The following ZNF653 variants were observed in gnomAD, a reference collection of about 807,000 sequenced individuals.
ZNF653 encodes zinc finger protein 653.
A neutral mutation model predicts 59.9 loss-of-function variants in ZNF653; 37 were observed. That is an observed-to-expected ratio of 0.62 (90% CI 0.48 to 0.81). The LOEUF (loss-of-function observed/expected upper bound fraction) is 0.81. Among genes scored for constraint, ZNF653 ranks in the 40% least tolerant of loss-of-function variants. The pLI, the probability that ZNF653 is intolerant of heterozygous loss-of-function variation, is 0.00. For synonymous variants in ZNF653, 435 were observed against 371.8 expected (o/e 1.17, Z -1.96); for missense variants, 808 against 881.1 (o/e 0.92, Z 1.05).
At position 11,485,680 on chromosome 19, in the gene ZNF653, G is replaced by T; in HGVS notation, c.1546C>A (p.Arg516=). 3.1e-6 allele frequency: 5 copies of T among 1,613,964 alleles called. No individual in the cohort carries two copies. The highest frequency in any genetic ancestry group is 4.2e-6 in the Non-Finnish European group (5 of 1,179,904). The change falls in exon 7 of 9, where the codon CGG becomes AGG. Residue 516 remains arginine, a synonymous_variant. Transcript: ENST00000293771. ...CCTGAATGGATGATCATGTGCCGCCGCAGGTGGTTGGATAAATAGAACTTC... is the reference window on the plus strand; with the variant it reads ...CCTGAATGGATGATCATGTGCCGCCTCAGGTGGTTGGATAAATAGAACTTC... The part of the protein sequence containing the change: ...GKKFYLSNHL[R]RHMIIHSGVR...
In ZNF653 at chr19:11,505,679, C is replaced by T. The variant is rs1248934455; in HGVS notation, c.108G>A (p.Arg36=). The part of the protein sequence containing the change: ...EGAAGRKARG[R]PRLTESDRAR... ...CCCGGTCCGACTCCGTGAGTCGCGGCCGGCCCCGCGCCTTTCGGCCCGCTG... is the reference window on the plus strand; with the variant it reads ...CCCGGTCCGACTCCGTGAGTCGCGGTCGGCCCCGCGCCTTTCGGCCCGCTG... The change falls in exon 1 of 9, where the codon CGG becomes CGA. Residue 36 remains arginine, a synonymous_variant. Coordinates refer to ENST00000293771, the MANE Select transcript of ZNF653 (RefSeq NM_138783.4). The T allele has an allele frequency of 8.7e-6, 13 of 1,491,626 alleles. No homozygotes were observed. Among genetic ancestry groups the T allele is most frequent in the African/African-American group, 1.5e-5 (1 of 68,512 alleles). The allele number at this position is 1,491,626 out of a possible 1,614,324, so 92.4% of individuals were successfully genotyped here.
At position 11,483,806 on chromosome 19, in the gene ZNF653, A is replaced by C; in HGVS notation, c.1724T>G (p.Met575Arg). 1 of 1,599,408 alleles carries C rather than the reference A, an allele frequency of 6.3e-7. No individual in the cohort carries two copies. Among genetic ancestry groups the C allele is most frequent in the Non-Finnish European group, 8.5e-7 (1 of 1,171,638 alleles). The change falls in exon 9 of 9, where the codon ATG becomes AGG. Residue 575 changes from methionine to arginine, a missense_variant. Met to Arg is a moderately conservative substitution (Grantham distance 91). Transcript: ENST00000293771. ...CTGCACCTCCGCAGTGTGCTTCTTC[A>C]TGTGCCAGTTGAGCGACGCGCGCTG... ...CRQRASLNWH[M>R]KKHTAEVQYN...
intron 1 of ZNF653, among the ~76,000 whole-genome samples, chr19:11,499,611 T>TAAA (rs764982889): frequency 1.8e-5 from 2 of 113,034 alleles, no homozygotes; most frequent in African/African-American, 3.2e-5. Context: ...TTTATACAAT[T>TAAA]AAAAAAAAAA....
chr19:11,492,896 C>T (rs1021655594), intron 3 of ZNF653, among the ~76,000 whole-genome samples: 14 of 152,224 alleles, frequency 9.2e-5, no homozygotes, highest in African/African-American at 3.1e-4. Flanking sequence ...CAGGCACACA[C>T]CACCACACCT....
Position 11,483,682 on chromosome 19 carries a change from T to C in ZNF653, c.1848A>G (p.Ter616TrpextTer3). The C allele has an allele frequency of 6.2e-7, 1 of 1,610,780 alleles. No homozygotes were observed. The highest frequency in any genetic ancestry group is 1.3e-5 in the African/African-American group (1 of 74,872). The change falls in exon 9 of 9, where the codon TGA (stop) becomes TGG (tryptophan). Residue 616 changes from the stop codon to tryptophan (W), a stop_lost. Coordinates refer to ENST00000293771, the MANE Select transcript of ZNF653 (RefSeq NM_138783.4). ...TAGGGGCGGTCAGTGGTCAGGTGGG[T>C]CAGGTGGGCTTGTGATCCGGGTGGC... is the stretch of plus-strand genomic sequence containing the variant. ...LKSHPDHKPT[*>W]
chr19:11,494,718 ATAAAAAGTTGAG>A, intron 3 of ZNF653, among the ~76,000 whole-genome samples: 1 of 152,254 alleles, frequency 6.6e-6, no homozygotes, highest in East Asian at 1.9e-4. Flanking sequence ...TAAATAAATA[ATAAAAAGTTGAG>A]TTGGGGCGTA....
Position 11,495,934 on chromosome 19 carries a change from C to T in ZNF653, c.559+16G>A, listed in dbSNP as rs755422636. 2.7e-5 allele frequency: 43 copies of T among 1,610,804 alleles called. No individual in the cohort carries two copies. In the East Asian group the frequency reaches 5.8e-4, roughly 22 times the overall value. On this transcript the variant is annotated intron_variant, in intron 3 of 8. Transcript: ENST00000293771. The surrounding 1 kb of genome is among the most constrained non-coding windows in gnomAD (Gnocchi z 4.9). The stretch of plus-strand genomic sequence containing the variant: ...AAATGGGCGGCCCCCTATGTGCCCT[C>T]GCCCTGCAGACCTACCTTTGTCACT...
At chr19:11,484,691 ACGCCCGGC>A (rs1193212980) in intron 7 of ZNF653, among the ~76,000 whole-genome samples, 1 of 151,914 alleles carries the variant, frequency 6.6e-6, no homozygotes, top group Non-Finnish European at 1.5e-5. Flanking sequence ...GATTACCACC[ACGCCCGGC>A]CTTGTCCCTG....
At chr19:11,499,923 A>G (rs1044577406) in intron 1 of ZNF653, among the ~76,000 whole-genome samples, 5 of 152,094 alleles carry the variant, frequency 3.3e-5, no homozygotes, top group African/African-American at 1.2e-4. Context: ...AAAAACAAAG[A>G]AACAAACAAA....
Position 11,487,012 on chromosome 19 carries a change from AGAT to A in ZNF653, c.1315_1317del (p.Ile439del). ...TTCTCAGGCTCCTTGGGGATTTCAT[AGAT>A]GATGGCTGACATGTCGCTGCCGTCC... On this transcript the variant is annotated inframe_deletion, in exon 5 of 9. Transcript: ENST00000293771. The surrounding 1 kb of genome is among the most constrained non-coding windows in gnomAD (Gnocchi z 5.1). The A allele has an allele frequency of 1.9e-6, 3 of 1,614,070 alleles. No homozygotes were observed.
In ZNF653 at chr19:11,483,584, C is replaced by T. The variant is rs1257282753; in HGVS notation, c.*98G>A. 1 of 1,458,394 alleles carries T rather than the reference C, an allele frequency of 6.9e-7. No homozygotes were observed. The highest frequency in any genetic ancestry group is 2.6e-5 in the Admixed American group (1 of 38,760). 90.3% of individuals were successfully genotyped at this position (1,458,394 alleles called of 1,614,324 possible). On this transcript the variant is annotated 3_prime_UTR_variant, in exon 9 of 9. Transcript: ENST00000293771. ...GGGGCGGGGGCGCCTCCTTCCGGCC[C>T]GCGGTCCGGGCGGCCCTCGCAGCTG...
At position 11,493,918 on chromosome 19, in the gene ZNF653, C is replaced by A. The variant is rs368771298; in HGVS notation, c.559+2032G>T. ...CCTGTGTTCCCAGCTACTCAGGAGG[C>A]CAGGGTGGGAGGATCACTTGAGCCC... On this transcript the variant is annotated intron_variant, in intron 3 of 8. Transcript: ENST00000293771. Among the ~76,000 whole-genome samples the A allele has an allele frequency of 3.7e-4, 56 of 152,058 alleles. 1 individual carries two copies. The South Asian group carries it at 9.8e-3, about 27-fold the overall frequency.
chr19:11,505,497 C>T lies in ZNF653; in HGVS notation c.290G>A (p.Gly97Asp), dbSNP rs768002888. ...GGCCAGGCCCCCTCACCCGTGGCGG[C>T]CGCTCCGCTGGCCGCGCTCCAGAGA... ...LISLERGQRSGRHGKPWEQVP... is the reference protein window; with the variant it reads ...LISLERGQRSDRHGKPWEQVP... The change falls in exon 1 of 9, where the codon GGC becomes GAC. Residue 97 changes from glycine to aspartate, a missense_variant. Transcript: ENST00000293771. 1.0e-5 allele frequency: 15 copies of T among 1,487,210 alleles called. No individual in the cohort carries two copies. Among genetic ancestry groups the T allele is most frequent in the Admixed American group, 7.2e-5 (3 of 41,734 alleles). The allele number at this position is 1,487,210 out of a possible 1,614,324, so 92.1% of individuals were successfully genotyped here.
intron 3 of ZNF653, among the ~76,000 whole-genome samples, chr19:11,494,951 G>A (rs1971569498): frequency 6.6e-6 from 1 of 152,222 alleles, no homozygotes; most frequent in Non-Finnish European, 1.5e-5. Flanking sequence ...GCAGATCATG[G>A]GATGGGGCAG....
intron 7 of ZNF653, among the ~76,000 whole-genome samples, 161 bp from the exon 8 acceptor site, chr19:11,484,302 C>G (rs892535401): frequency 1.3e-5 from 2 of 151,998 alleles, no homozygotes; most frequent in African/African-American, 2.4e-5. Flanking sequence ...TGCATTTGCC[C>G]ACAGACGCCA....
chr19:11,484,092 C>A lies in ZNF653; in HGVS notation c.1620G>T (p.Lys540Asn), dbSNP rs1971438906. 4 of 1,559,676 alleles carry A rather than the reference C, an allele frequency of 2.6e-6. No homozygotes were observed. Among genetic ancestry groups the A allele is most frequent in the South Asian group, 2.4e-5 (2 of 84,728 alleles). Residue 540 changes from lysine to asparagine, a missense_variant, in exon 8 of 9, where the codon AAG becomes AAT. Lys to Asn is a moderately conservative substitution (Grantham distance 94). Transcript: ENST00000293771. ...TGCGCCGATGTACCTCCAGGTGGTT[C>A]TTCCTCTTGAAGGACTTGCCGCAGG... ...CETCGKSFKR[K>N]NHLEVHRRTH...
intron 2 of ZNF653, among the ~76,000 whole-genome samples, chr19:11,497,101 CCCCT>C (rs1279478286): frequency 1.3e-5 from 2 of 152,192 alleles, no homozygotes; most frequent in East Asian, 1.9e-4. Context: ...CCAAATGCAT[CCCCT>C]CCAAGAGGCC....
intron 7 of ZNF653, among the ~76,000 whole-genome samples, chr19:11,484,790 A>G (rs1181275691): frequency 6.6e-6 from 1 of 151,752 alleles, no homozygotes; most frequent in Non-Finnish European, 1.5e-5. Context: ...GGTGGCTCAC[A>G]CCTATAATCC....
chr19:11,495,027 C>A lies in ZNF653; in HGVS notation c.559+923G>T, dbSNP rs2144944480. 6.6e-6 allele frequency among the ~76,000 whole-genome samples: 1 copy of A among 152,306 alleles called. No homozygotes were observed. The highest frequency in any genetic ancestry group is 1.9e-4 in the East Asian group (1 of 5,178). ...GTGGGACGGTCGTTGGCGGGGGCGC[C>A]CACCCGGAACACCTCTCGCCCCCGG... On this transcript the variant is annotated intron_variant, in intron 3 of 8. Transcript: ENST00000293771. This position sits in a 1 kb window ranked among gnomAD's most constrained non-coding sequence, Gnocchi z 4.9.
Sources: allele counts gnomAD v4.1 joint callset (sites outside exome capture counted in the v4.1 genomes callset), GRCh38; gene constraint gnomAD v4.1.1; non-coding constraint Gnocchi (gnomAD v3.1); transcripts MANE v1.5; gene names NCBI Gene and HGNC (gene_info 2026-07-23, HGNC 2026-07-21).